The following FRMD3 variants were observed in gnomAD, a reference collection of about 807,000 sequenced individuals.
The protein encoded by FRMD3 is FERM domain-containing protein 3.
A neutral mutation model predicts 70.2 loss-of-function variants in FRMD3; 33 were observed. The observed-to-expected ratio is 0.47, with a 90% CI of 0.36 to 0.63. FRMD3 has a LOEUF of 0.63. FRMD3 is among the 20% of genes least tolerant of loss of function. The probability of loss-of-function intolerance (pLI) is 0.00; values close to 1 mark genes in which losing one functional copy is unlikely to be tolerated. For missense variants in FRMD3, 632 were observed against 711.4 expected (o/e 0.89, Z 1.27); for synonymous variants, 279 against 255.9 (o/e 1.09, Z -0.86).
At position 83,247,772 on chromosome 9, in the gene FRMD3, T is replaced by C. The variant is rs1563970127; in HGVS notation, c.*146A>G. On this transcript the variant is annotated 3_prime_UTR_variant, in exon 14 of 14. Coordinates refer to ENST00000304195, the MANE Select transcript of FRMD3 (RefSeq NM_174938.6). ...AAACTTATTTAAGTGCAGTGAATTA[T>C]GGAAAGCTAACTTAAAGGTTTGAAT... The C allele has an allele frequency of 3.4e-6, 5 of 1,482,182 alleles. No homozygotes were observed. The highest frequency in any genetic ancestry group is 2.4e-5 in the Admixed American group (1 of 41,932). The allele number at this position is 1,482,182 out of a possible 1,614,324, so 91.8% of individuals were successfully genotyped here.
At chr9:83,524,861 T>C (rs889809919) in intron 1 of FRMD3, among the ~76,000 whole-genome samples, 3 of 152,154 alleles carry the variant, frequency 2.0e-5, no homozygotes, top group Non-Finnish European at 4.4e-5. Flanking sequence ...TTGTAGACAA[T>C]ACCTACACAA....
At chr9:83,552,440 T>C in the FRMD3 span, among the ~76,000 whole-genome samples, 4 of 152,234 alleles carry the variant, frequency 2.6e-5, no homozygotes, top group Admixed American at 2.6e-4. Context: ...GTGAAGAATA[T>C]ACATTCTGTT....
chr9:83,283,163 G>A (rs1269696296), intron 13 of FRMD3, among the ~76,000 whole-genome samples: 1 of 152,168 alleles, frequency 6.6e-6, no homozygotes, highest in Non-Finnish European at 1.5e-5. Context: ...AGGCCTTTAT[G>A]TTCTCAAGCT....
intron 1 of FRMD3, among the ~76,000 whole-genome samples, chr9:83,449,008 G>C (rs1369867669): frequency 6.6e-6 from 1 of 152,174 alleles, no homozygotes; most frequent in African/African-American, 2.4e-5. Flanking sequence ...CTGTGTTTGA[G>C]AGTGGACAGC....
chr9:83,366,833 A>G (rs549185028), intron 3 of FRMD3, among the ~76,000 whole-genome samples: 1 of 152,320 alleles, frequency 6.6e-6, no homozygotes, highest in African/African-American at 2.4e-5. Context: ...TCATGTATAC[A>G]CATTGGGCCA....
At chr9:83,557,744 C>G in the FRMD3 span, among the ~76,000 whole-genome samples, 7 of 152,104 alleles carry the variant, frequency 4.6e-5, no homozygotes, top group Non-Finnish European at 8.8e-5. Flanking sequence ...AAATGAAGAT[C>G]TGGGGGGAAA....
intron 1 of FRMD3, among the ~76,000 whole-genome samples, chr9:83,398,269 C>T (rs1204618464): frequency 6.6e-6 from 1 of 152,186 alleles, no homozygotes; most frequent in African/African-American, 2.4e-5. Flanking sequence ...GGTACTATTA[C>T]AAACAGTAAC....
intron 1 of FRMD3, among the ~76,000 whole-genome samples, chr9:83,396,715 G>A (rs1468202770): frequency 6.6e-6 from 1 of 152,198 alleles, no homozygotes; most frequent in East Asian, 1.9e-4. Context: ...TGAGGATGAA[G>A]CCGAAATATT....
At chr9:83,335,370 A>G in intron 6 of FRMD3, 146 bp downstream of exon 6, 1 of 735,844 alleles carries the variant, frequency 1.4e-6, no homozygotes, top group Non-Finnish European at 2.2e-6. Context: ...TGTCCTTGAC[A>G]GTGCCCAGAA....
intron 1 of FRMD3, among the ~76,000 whole-genome samples, chr9:83,411,760 T>A (rs1826285162): frequency 1.3e-5 from 2 of 152,186 alleles, no homozygotes; most frequent in South Asian, 4.1e-4. Context: ...GGACTGAAAA[T>A]TTTTGAAGTA....
At chr9:83,262,926 T>C (rs1833054299) in intron 13 of FRMD3, among the ~76,000 whole-genome samples, 1 of 152,220 alleles carries the variant, frequency 6.6e-6, no homozygotes, top group African/African-American at 2.4e-5. Context: ...AATTCCAGTC[T>C]CTTGGTCACA....
the FRMD3 span, among the ~76,000 whole-genome samples, chr9:83,555,857 G>A: frequency 6.1e-4 from 93 of 152,310 alleles, 2 homozygotes; most frequent in South Asian, 4.6e-3. Flanking sequence ...GGTTCACAGG[G>A]AGATCTCCTA....
At chr9:83,413,612 G>A (rs17086237) in intron 1 of FRMD3, among the ~76,000 whole-genome samples, 12,937 of 152,100 alleles carry the variant, frequency 0.085, 626 homozygotes, top group South Asian at 0.2. Context: ...ATCTGGACTC[G>A]CCAAAAGCCC....
chr9:83,574,456 G>A, the FRMD3 span, among the ~76,000 whole-genome samples: 3 of 152,078 alleles, frequency 2.0e-5, no homozygotes, highest in Non-Finnish European at 4.4e-5. Flanking sequence ...AGTTCCATTC[G>A]AGAAGAACTC....
At chr9:83,573,852 G>A in the FRMD3 span, among the ~76,000 whole-genome samples, 29 of 151,876 alleles carry the variant, frequency 1.9e-4, no homozygotes, top group Admixed American at 5.2e-4. Flanking sequence ...TAGTAAAAGC[G>A]TCCAAGAAAG....
At chr9:83,512,544 C>CTT (rs1190777633) in intron 1 of FRMD3, among the ~76,000 whole-genome samples, 1 of 152,190 alleles carries the variant, frequency 6.6e-6, no homozygotes, top group Non-Finnish European at 1.5e-5. Context: ...ATCGCAGAAC[C>CTT]TTTCTAAACC....
At chr9:83,521,363 G>A (rs1037296054) in intron 1 of FRMD3, among the ~76,000 whole-genome samples, 6 of 152,166 alleles carry the variant, frequency 3.9e-5, no homozygotes, top group African/African-American at 1.2e-4. Flanking sequence ...GGCACCACTT[G>A]TAGTCCCAAC....
At chr9:83,457,978 A>T (rs1827868505) in intron 1 of FRMD3, among the ~76,000 whole-genome samples, 1 of 150,366 alleles carries the variant, frequency 6.7e-6, no homozygotes, top group African/African-American at 2.5e-5. Flanking sequence ...CATGAAAAAA[A>T]TAAAATGAGC....
chr9:83,277,509 C>A (rs1175085020), intron 13 of FRMD3, among the ~76,000 whole-genome samples: 6 of 152,138 alleles, frequency 3.9e-5, no homozygotes, highest in African/African-American at 1.4e-4. Flanking sequence ...GGCCTACAGG[C>A]ACATGCCATT....
Sources: allele counts gnomAD v4.1 joint callset (sites outside exome capture counted in the v4.1 genomes callset), GRCh38; gene constraint gnomAD v4.1.1; transcripts MANE v1.5; gene names NCBI Gene and HGNC (gene_info 2026-07-23, HGNC 2026-07-21).